LINGO2: variants seen among roughly 807,000 people sequenced by gnomAD.
The protein encoded by LINGO2 is leucine rich repeat and Ig domain containing 2.
In LINGO2, 14 loss-of-function variants were observed where a neutral mutation model predicts 30.6. The ratio of observed to expected loss-of-function variants is 0.46; its 90% CI spans 0.30 to 0.72. The LOEUF (loss-of-function observed/expected upper bound fraction) is 0.72, where lower values mean the gene tolerates loss of function less well. Among genes scored for constraint, LINGO2 ranks in the 30% least tolerant of loss-of-function variants. The probability of loss-of-function intolerance (pLI) is 0.07; values close to 1 mark genes in which losing one functional copy is unlikely to be tolerated. For synonymous variants in LINGO2, 317 were observed against 288.5 expected, an observed-to-expected ratio of 1.10 and a Z score of -1.00; for missense variants, 729 against 751.7, an observed-to-expected ratio of 0.97 and a Z score of 0.35.
chr9:28,199,351 T>TCTTCCTCCTCCTCCTCCTCCTCCTCC, intron 4 of LINGO2, among the ~76,000 whole-genome samples: 1 of 149,966 alleles, frequency 6.7e-6, no homozygotes, highest in Middle Eastern at 3.5e-3. Flanking sequence ...CTTCTTTTTT[T>TCTTCCTCCTCCTCCTCCTCCTCCTCC]TTTTTTGAGA....
At chr9:28,810,298 T>C in the LINGO2 span, among the ~76,000 whole-genome samples, 1 of 152,198 alleles carries the variant, frequency 6.6e-6, no homozygotes, top group Admixed American at 6.5e-5. Flanking sequence ...GACAAGGATT[T>C]TCAGGATCAT....
intron 3 of LINGO2, among the ~76,000 whole-genome samples, chr9:28,303,409 G>A (rs1414451266): frequency 2.6e-5 from 4 of 152,064 alleles, no homozygotes; most frequent in Non-Finnish European, 5.9e-5. Context: ...AAATATGAAA[G>A]CTTGAGGGAG....
chr9:28,995,717 G>T, the LINGO2 span, among the ~76,000 whole-genome samples: 1 of 152,160 alleles, frequency 6.6e-6, no homozygotes, highest in East Asian at 1.9e-4. Flanking sequence ...CATGTCCTTT[G>T]TAGGGACATG....
the LINGO2 span, among the ~76,000 whole-genome samples, chr9:29,054,279 C>T: frequency 6.6e-6 from 1 of 152,066 alleles, no homozygotes; most frequent in African/African-American, 2.4e-5. Flanking sequence ...AATTTCAATG[C>T]TTATATTGTA....
chr9:29,148,261 T>C, the LINGO2 span, among the ~76,000 whole-genome samples: 1 of 152,184 alleles, frequency 6.6e-6, no homozygotes, highest in Non-Finnish European at 1.5e-5. Flanking sequence ...ATTAAGCTGA[T>C]CCTTCCTATA....
At chr9:28,568,684 A>T (rs1007809111) in intron 1 of LINGO2, among the ~76,000 whole-genome samples, 6 of 144,876 alleles carry the variant, frequency 4.1e-5, no homozygotes, top group African/African-American at 1.6e-4. Flanking sequence ...GAGTGTGGAA[A>T]TATATATTGA....
At chr9:27,995,822 T>C (rs1255601782) in intron 5 of LINGO2, among the ~76,000 whole-genome samples, 1 of 152,116 alleles carries the variant, frequency 6.6e-6, no homozygotes, top group East Asian at 1.9e-4. Context: ...GATGCCCAAT[T>C]TCACCACTTA....
intron 3 of LINGO2, among the ~76,000 whole-genome samples, chr9:28,347,049 A>T (rs1163295442): frequency 6.6e-6 from 1 of 152,082 alleles, no homozygotes; most frequent in Non-Finnish European, 1.5e-5. Context: ...CCCATTTGTC[A>T]ATTTTTGAAA....
At chr9:27,955,268 T>G (rs7025889) in intron 5 of LINGO2, among the ~76,000 whole-genome samples, 62 of 151,982 alleles carry the variant, frequency 4.1e-4, no homozygotes, top group Non-Finnish European at 7.4e-4. Context: ...CTCCACCTCA[T>G]AGAAGGTGGA....
At chr9:28,799,126 A>G in the LINGO2 span, among the ~76,000 whole-genome samples, 4 of 152,116 alleles carry the variant, frequency 2.6e-5, no homozygotes, top group African/African-American at 9.7e-5. Context: ...CTAAGAGACC[A>G]GGCTATCATA....
At chr9:28,494,338 G>C (rs1427870578) in intron 1 of LINGO2, among the ~76,000 whole-genome samples, 2 of 151,932 alleles carry the variant, frequency 1.3e-5, no homozygotes, top group African/African-American at 4.8e-5. Context: ...ATTTACATTA[G>C]GCGTATCTCC....
chr9:29,146,634 GAAGT>G, the LINGO2 span, among the ~76,000 whole-genome samples: 5 of 152,248 alleles, frequency 3.3e-5, no homozygotes, highest in Admixed American at 2.0e-4. Flanking sequence ...AAATGTGGCA[GAAGT>G]AAGGGAAAGG....
intron 4 of LINGO2, among the ~76,000 whole-genome samples, chr9:28,061,266 T>C (rs986493351): frequency 6.6e-6 from 1 of 150,542 alleles, no homozygotes; most frequent in African/African-American, 2.5e-5. Context: ...ACCATGCTGG[T>C]AGTGAGGCCT....
chr9:28,297,814 T>C (rs1823980423), intron 3 of LINGO2, among the ~76,000 whole-genome samples: 1 of 152,178 alleles, frequency 6.6e-6, no homozygotes, highest in South Asian at 2.1e-4. Flanking sequence ...ATCTACGGCA[T>C]CAAACACAAG....
intron 4 of LINGO2, among the ~76,000 whole-genome samples, chr9:28,058,646 T>C (rs185733026): frequency 3.0e-4 from 45 of 152,238 alleles, no homozygotes; most frequent in Non-Finnish European, 1.3e-4. Context: ...GAAGTAATTT[T>C]CTCTAATTTC....
intron 4 of LINGO2, among the ~76,000 whole-genome samples, chr9:28,278,610 A>G (rs1823214008): frequency 6.6e-6 from 1 of 152,204 alleles, no homozygotes; most frequent in African/African-American, 2.4e-5. Context: ...CATGGTTTAC[A>G]GACTATTTTA....
chr9:28,603,095 T>C (rs544014886), intron 1 of LINGO2, among the ~76,000 whole-genome samples: 6 of 152,142 alleles, frequency 3.9e-5, no homozygotes, highest in African/African-American at 1.4e-4. Flanking sequence ...TGAGCCAAAG[T>C]TTCTGCTTTT....
chr9:28,204,650 G>C (rs1247692861), intron 4 of LINGO2, among the ~76,000 whole-genome samples: 1 of 152,042 alleles, frequency 6.6e-6, no homozygotes, highest in Non-Finnish European at 1.5e-5. Flanking sequence ...CTTCATCAAA[G>C]TATCATTTGG....
the LINGO2 span, among the ~76,000 whole-genome samples, chr9:28,794,744 A>G: frequency 6.6e-6 from 1 of 152,154 alleles, no homozygotes; most frequent in Non-Finnish European, 1.5e-5. Flanking sequence ...TGGATATTTT[A>G]TATGCATGTG....
Sources: allele counts gnomAD v4.1 joint callset (sites outside exome capture counted in the v4.1 genomes callset), GRCh38; gene constraint gnomAD v4.1.1; transcripts MANE v1.5; gene names NCBI Gene and HGNC (gene_info 2026-07-23, HGNC 2026-07-21).